USP54: variants seen among roughly 807,000 people sequenced by gnomAD.
USP54 encodes ubiquitin specific peptidase 54.
A neutral mutation model predicts 170.5 loss-of-function variants in USP54; 87 were observed. The observed-to-expected ratio is 0.51, with a 90% CI of 0.43 to 0.61. USP54 has a LOEUF of 0.61. Ranked by LOEUF, USP54 falls within the 20% of genes least tolerant of loss-of-function variation. The probability of loss-of-function intolerance (pLI) is 0.00; values close to 1 mark genes in which losing one functional copy is unlikely to be tolerated. For missense variants in USP54, 1,786 were observed against 2,047.8 expected (o/e 0.87, Z 2.47); for synonymous variants, 655 against 742.8 (o/e 0.88, Z 1.92).
At position 73,517,286 on chromosome 10, in the gene USP54, C is replaced by T. The variant is rs1228290642; in HGVS notation, c.3140G>A (p.Arg1047Lys). 1.9e-6 allele frequency: 3 copies of T among 1,613,176 alleles called. No homozygotes were observed. The change falls in exon 20 of 24, where the codon AGG becomes AAG. Residue 1047 changes from arginine (R) to lysine (K), a missense_variant. By Grantham distance (26) the Arg-to-Lys change is conservative. Around this residue, in one of 3 missense-constraint regions of USP54, gnomAD observed 1,418 missense variants for 1,569.0 expected, o/e 0.90. Transcript: ENST00000687698. ...ACAGCCTAGGCTGTGTTCATCACCC[C>T]TCTCAGAGGTGGCTATTCCAGGCAT... ...PVMPGIATSE[R>K]GDEHSLGCSP...
At chr10:73,588,935 A>G (rs1160950214) in intron 1 of USP54, among the ~76,000 whole-genome samples, 3 of 152,266 alleles carry the variant, frequency 2.0e-5, no homozygotes, top group Non-Finnish European at 2.9e-5. Flanking sequence ...AGGAACTACT[A>G]ATAGTCATAC....
At chr10:73,569,224 T>G (rs752979241) in intron 4 of USP54, among the ~76,000 whole-genome samples, 5 of 152,172 alleles carry the variant, frequency 3.3e-5, no homozygotes, top group Non-Finnish European at 5.9e-5. Context: ...TGTTGTTGTT[T>G]TTTTCTCCCT....
intron 22 of USP54, among the ~76,000 whole-genome samples, chr10:73,503,400 T>C (rs1055480771): frequency 6.6e-6 from 1 of 152,224 alleles, no homozygotes; most frequent in Non-Finnish European, 1.5e-5. Flanking sequence ...TAACTCACCA[T>C]TGTAGCTCCA....
chr10:73,559,351 G>A (rs1321753683), intron 4 of USP54, among the ~76,000 whole-genome samples: 2 of 151,888 alleles, frequency 1.3e-5, no homozygotes, highest in African/African-American at 2.4e-5. Flanking sequence ...ACCTGAGGTC[G>A]GGAGTTCGAG....
At chr10:73,607,265 C>G (rs1443953682) in intron 1 of USP54, among the ~76,000 whole-genome samples, 6 of 150,390 alleles carry the variant, frequency 4.0e-5, no homozygotes, top group Non-Finnish European at 8.9e-5. Context: ...CCATTGCACT[C>G]CATCTTGCAG....
chr10:73,599,991 T>C (rs1333565748), intron 1 of USP54, among the ~76,000 whole-genome samples: 1 of 149,670 alleles, frequency 6.7e-6, no homozygotes, highest in African/African-American at 2.5e-5. Context: ...AACCTCTGCC[T>C]CCTGGGTTCA....
chr10:73,526,585 C>G, intron 16 of USP54, 62 bp downstream of exon 16: 1 of 1,601,074 alleles, frequency 6.2e-7, no homozygotes, highest in Non-Finnish European at 8.5e-7. Context: ...TCAGGTAAGT[C>G]TGGTCCCCAG....
intron 19 of USP54, chr10:73,519,413 A>C (rs944978224): frequency 4.1e-6 from 1 of 244,254 alleles, no homozygotes; most frequent in Non-Finnish European, 8.2e-6. Context: ...TGCTTCCATA[A>C]GGATAGGAAG....
chr10:73,610,847 T>C (rs1046907274), intron 1 of USP54, among the ~76,000 whole-genome samples: 1 of 152,192 alleles, frequency 6.6e-6, no homozygotes, highest in African/African-American at 2.4e-5. Context: ...GCTTTCAACA[T>C]GGCACGGGAA....
rs543585448 is a variant in USP54 at position 73,555,127 on chromosome 10, TATC to T, written c.241-9458_241-9456del. Among the ~76,000 whole-genome samples the T allele has an allele frequency of 2.6e-5, 4 of 152,210 alleles. No homozygotes were observed. The South Asian group carries it at 8.3e-4, about 32-fold the overall frequency. On this transcript the variant is annotated intron_variant, in intron 4 of 23. Transcript: ENST00000687698. ...CAATAAATAACTAAATAAATAATAA[TATC>T]ATTATCACACACACCCCAAAAGTTA...
intron 1 of USP54, chr10:73,606,219 T>C (rs558134637): frequency 4.8e-5 from 7 of 146,770 alleles, no homozygotes; most frequent in African/African-American, 1.5e-4. Flanking sequence ...GTGCTGAAGA[T>C]TGGCTGCACA....
chr10:73,522,102 C>A (rs958279082), intron 17 of USP54, among the ~76,000 whole-genome samples: 1 of 152,232 alleles, frequency 6.6e-6, no homozygotes, highest in African/African-American at 2.4e-5. Context: ...GGCTCTTCCA[C>A]ATCCCTAACA....
intron 1 of USP54, among the ~76,000 whole-genome samples, chr10:73,616,104 C>T (rs953948716): frequency 6.7e-6 from 1 of 149,776 alleles, no homozygotes; most frequent in South Asian, 2.1e-4. Flanking sequence ...TTTGGGAGGC[C>T]GAGGTGGGCA....
intron 1 of USP54, among the ~76,000 whole-genome samples, chr10:73,606,200 AAAAT>A (rs2079614384): frequency 6.6e-6 from 1 of 151,366 alleles, no homozygotes; most frequent in South Asian, 2.1e-4. Flanking sequence ...AAAAAAAAAA[AAAAT>A]GAGAGTGCTG....
chr10:73,516,954 T>C lies in USP54; in HGVS notation c.3472A>G (p.Ser1158Gly). 6.2e-7 allele frequency: 1 copy of C among 1,614,212 alleles called. No individual in the cohort carries two copies. The highest frequency in any genetic ancestry group is 8.5e-7 in the Non-Finnish European group (1 of 1,180,034). ...TGFKDRSLSG[S>G]LRKNSSPSDS... ...GAAGGGGAAGAGTTCTTCCTTAGACTACCTGACAAACTTCTATCCTTGAAA... is the reference window on the plus strand; with the variant it reads ...GAAGGGGAAGAGTTCTTCCTTAGACCACCTGACAAACTTCTATCCTTGAAA... The change falls in exon 20 of 24, where the codon AGT becomes GGT. Residue 1158 changes from serine to glycine, a missense_variant. Around this residue, in one of 3 missense-constraint regions of USP54, gnomAD observed 1,418 missense variants for 1,569.0 expected, o/e 0.90. Transcript: ENST00000687698.
intron 1 of USP54, among the ~76,000 whole-genome samples, chr10:73,580,780 T>C (rs1449826015): frequency 6.6e-6 from 1 of 152,136 alleles, no homozygotes. Context: ...TGTTTCACCA[T>C]GTTGACCATG....
At position 73,526,796 on chromosome 10, in the gene USP54, C is replaced by CA. The variant is rs766847797; in HGVS notation, c.2061-17dup. 19 of 1,612,752 alleles carry CA rather than the reference C, an allele frequency of 1.2e-5. No homozygotes were observed. Among genetic ancestry groups the CA allele is most frequent in the Non-Finnish European group, 1.4e-5 (17 of 1,179,510 alleles). On this transcript the variant is annotated splice_polypyrimidine_tract_variant and intron_variant, in intron 15 of 23. Transcript: ENST00000687698. ...ACTTGGATCCCTTCAAAAGAGAACT[C>CA]AGAGTCTAGTGAAAGCATGAAAGCA... is the stretch of plus-strand genomic sequence containing the variant.
chr10:73,605,780 T>C lies in USP54; in HGVS notation c.-18+19787A>G, dbSNP rs375194992. Among the ~76,000 whole-genome samples, 10 of 152,096 alleles carry C rather than the reference T, an allele frequency of 6.6e-5. No homozygotes were observed. In the South Asian group the frequency reaches 1.2e-3, roughly 19 times the overall value. ...ACTCCATTATATGAGGCATGAAGAA[T>C]AGTCAAATTCATTGAAACAGAAAGT... On this transcript the variant is annotated intron_variant, in intron 1 of 22. Coordinates refer to the USP54 transcript ENST00000339859.
At chr10:73,622,836 G>C (rs954269822) in intron 1 of USP54, among the ~76,000 whole-genome samples, 2 of 151,876 alleles carry the variant, frequency 1.3e-5, no homozygotes, top group Non-Finnish European at 2.9e-5. Context: ...AGCTCCTGGA[G>C]AGGCTGAAAA....
Sources: gnomAD v4.1 joint callset for allele counts (sites outside exome capture counted in the v4.1 genomes callset) on GRCh38, gnomAD v4.1.1 for gene constraint, gnomAD v4.1.1 regional missense constraint, MANE v1.5 for transcripts, NCBI Gene and HGNC (gene_info 2026-07-23, HGNC 2026-07-21) for gene names.